Variants in ARRB1 observed in about 807,000 individuals in gnomAD.
The protein encoded by ARRB1 is arrestin beta 1, also known as beta-arrestin-1.
Under a neutral mutation model 56.8 loss-of-function variants are expected in ARRB1, and 21 were observed. The ratio of observed to expected loss-of-function variants is 0.37; its 90% CI spans 0.26 to 0.53. ARRB1 has a LOEUF of 0.53. ARRB1 is among the 20% of genes least tolerant of loss of function. ARRB1 has a pLI of 0.88. For synonymous variants in ARRB1, 210 were observed against 218.6 expected, an observed-to-expected ratio of 0.96 and a Z score of 0.35; for missense variants, 424 against 553.7, an observed-to-expected ratio of 0.77 and a Z score of 2.35.
intron 1 of ARRB1, among the ~76,000 whole-genome samples, chr11:75,338,820 T>C (rs565894749): frequency 2.6e-5 from 4 of 152,346 alleles, no homozygotes; most frequent in Admixed American, 2.0e-4. Context: ...AATCTCCTTA[T>C]TGAGTTTTAA....
At chr11:75,304,658 T>C (rs1458433540) in intron 1 of ARRB1, among the ~76,000 whole-genome samples, 1 of 151,642 alleles carries the variant, frequency 6.6e-6, no homozygotes, top group African/African-American at 2.4e-5. Flanking sequence ...GGGGAAGAGG[T>C]GCTACTAACA....
At chr11:75,277,757 C>T (rs1182339703) in intron 8 of ARRB1, among the ~76,000 whole-genome samples, 3 of 152,258 alleles carry the variant, frequency 2.0e-5, no homozygotes, top group Non-Finnish European at 2.9e-5. Flanking sequence ...CCTTCAGTTC[C>T]CTGGTGGGAC....
At chr11:75,337,384 GA>G (rs984554100) in intron 1 of ARRB1, among the ~76,000 whole-genome samples, 16 of 151,382 alleles carry the variant, frequency 1.1e-4, no homozygotes, top group African/African-American at 3.4e-4. Context: ...AACAGAAAAG[GA>G]AAAAAAAAGT....
chr11:75,284,311 C>A, intron 3 of ARRB1, 32 bp from the exon 4 acceptor site: 1 of 1,585,384 alleles, frequency 6.3e-7, no homozygotes, highest in Non-Finnish European at 8.6e-7. Context: ...AGCGGCCTCT[C>A]CCAACCTGGT....
At chr11:75,322,304 G>C (rs1347757534) in intron 1 of ARRB1, among the ~76,000 whole-genome samples, 1 of 152,188 alleles carries the variant, frequency 6.6e-6, no homozygotes, top group Non-Finnish European at 1.5e-5. Context: ...TCAGGAGTTC[G>C]AGACCAGTCT....
intron 1 of ARRB1, among the ~76,000 whole-genome samples, chr11:75,306,309 C>A (rs564665147): frequency 1.3e-5 from 2 of 152,234 alleles, no homozygotes; most frequent in East Asian, 1.9e-4. Context: ...CCCTCTCTGA[C>A]CCCCACCCAT....
chr11:75,298,726 A>C (rs1946821455), intron 1 of ARRB1, among the ~76,000 whole-genome samples: 1 of 152,164 alleles, frequency 6.6e-6, no homozygotes, highest in Admixed American at 6.5e-5. Flanking sequence ...CAAAAAACTT[A>C]TGCATAAATG....
intron 1 of ARRB1, among the ~76,000 whole-genome samples, chr11:75,297,957 G>A (rs1946801329): frequency 6.9e-6 from 1 of 145,980 alleles, no homozygotes; most frequent in East Asian, 2.1e-4. Context: ...AAAACGTTAA[G>A]TGTAAGTCTT....
At chr11:75,274,457 C>G in intron 10 of ARRB1, 1 of 507,946 alleles carries the variant, frequency 2.0e-6, no homozygotes, top group Non-Finnish European at 3.5e-6. Context: ...AAAAGATTAT[C>G]CTAGTCAAGC....
intron 10 of ARRB1, 104 bp from the exon 11 acceptor site, chr11:75,274,315 C>G: frequency 6.6e-7 from 1 of 1,506,668 alleles, no homozygotes; most frequent in South Asian, 1.2e-5. Context: ...CTCCAAGTCT[C>G]CCTCTCCCAA....
chr11:75,297,197 TG>T (rs1290356581), intron 1 of ARRB1, among the ~76,000 whole-genome samples: 1 of 152,030 alleles, frequency 6.6e-6, no homozygotes, highest in Admixed American at 6.6e-5. Context: ...CTAGCTTTTT[TG>T]CAGAAACTGA....
At chr11:75,313,975 T>C (rs1006543539) in intron 1 of ARRB1, among the ~76,000 whole-genome samples, 1 of 152,182 alleles carries the variant, frequency 6.6e-6, no homozygotes, top group Non-Finnish European at 1.5e-5. Flanking sequence ...CTCCTCTGCC[T>C]AAAAACTCTT....
chr11:75,323,370 G>A (rs1947378337), intron 1 of ARRB1, among the ~76,000 whole-genome samples: 1 of 152,232 alleles, frequency 6.6e-6, no homozygotes, highest in African/African-American at 2.4e-5. Context: ...TGTAATCCCA[G>A]CACTTTGGGA....
At chr11:75,272,861 A>G in intron 12 of ARRB1, 34 bp downstream of exon 12, 1 of 1,611,672 alleles carries the variant, frequency 6.2e-7, no homozygotes, top group Non-Finnish European at 8.5e-7. Flanking sequence ...TCCCCTCTGC[A>G]CTCCGGGGTC....
Position 75,276,962 on chromosome 11 carries a change from T to A in ARRB1, c.704-51A>T, listed in dbSNP as rs759147272. ...GAGTGAGTCGGGAATGTAGCTCCCA[T>A]GGAGTCTCACAGGCGTCCCCGGGTT... On this transcript the variant is annotated intron_variant, in intron 9 of 15. Transcript: ENST00000420843. 3.8e-6 allele frequency: 6 copies of A among 1,585,840 alleles called. No individual in the cohort carries two copies. The Admixed American group carries it at 1.0e-4, about 27-fold the overall frequency.
At chr11:75,334,607 G>T (rs1347924970) in intron 1 of ARRB1, among the ~76,000 whole-genome samples, 3 of 152,332 alleles carry the variant, frequency 2.0e-5, no homozygotes, top group Non-Finnish European at 2.9e-5. Context: ...TTCACCTATG[G>T]TTCATTATTT....
At chr11:75,322,100 G>A (rs1377189377) in intron 1 of ARRB1, among the ~76,000 whole-genome samples, 3 of 152,252 alleles carry the variant, frequency 2.0e-5, no homozygotes, top group Non-Finnish European at 4.4e-5. Context: ...GATGGGCACA[G>A]ACCAGCCTAA....
At chr11:75,277,225 T>C (rs1838902590) in intron 9 of ARRB1, 139 bp downstream of exon 9, 2 of 900,070 alleles carry the variant, frequency 2.2e-6, no homozygotes, top group South Asian at 3.2e-5. Context: ...AGCTTTGCCC[T>C]GTGGCTCAGA....
chr11:75,296,028 T>C (rs1357878826), intron 1 of ARRB1, among the ~76,000 whole-genome samples: 3 of 151,446 alleles, frequency 2.0e-5, no homozygotes, highest in Admixed American at 6.6e-5. Context: ...CTACTAAAAA[T>C]ACAAAAAATT....
Sources: allele counts gnomAD v4.1 joint callset (sites outside exome capture counted in the v4.1 genomes callset), GRCh38; gene constraint gnomAD v4.1.1; transcripts MANE v1.5; gene names NCBI Gene and HGNC (gene_info 2026-07-23, HGNC 2026-07-21).